MMRN2: variants seen among roughly 807,000 people sequenced by gnomAD.
MMRN2 encodes multimerin-2.
Under a neutral mutation model 68.8 loss-of-function variants are expected in MMRN2, and 53 were observed. That is an observed-to-expected ratio of 0.77 (90% confidence interval 0.62 to 0.97). The LOEUF is 0.97. MMRN2 is among the 50% of genes least tolerant of loss of function. The pLI, the probability that MMRN2 is intolerant of heterozygous loss-of-function variation, is 0.00. For synonymous variants in MMRN2, 564 were observed against 551.6 expected (o/e 1.02, Z -0.32); for missense variants, 1,266 against 1,259.5 (o/e 1.01, Z -0.08).
At chr10:86,956,278 C>A (rs1404026784) in intron 1 of MMRN2, among the ~76,000 whole-genome samples, 4 of 152,136 alleles carry the variant, frequency 2.6e-5, no homozygotes, top group Admixed American at 2.6e-4. Context: ...CCACTGCCAC[C>A]AGACCCTCAC....
In MMRN2 at chr10:86,942,894, C is replaced by A. The variant is rs755601177; in HGVS notation, c.1890G>T (p.Leu630=). 1 of 1,455,122 alleles carries A rather than the reference C, an allele frequency of 6.9e-7. No individual in the cohort carries two copies. The highest frequency in any genetic ancestry group is 9.1e-7 in the Non-Finnish European group (1 of 1,102,106). 90.1% of individuals were successfully genotyped at this position (1,455,122 alleles called of 1,614,324 possible). ...EEMSEQTPGP[L]PLSYEQIRVA... is the part of the protein sequence containing the mutation. The stretch of plus-strand genomic sequence containing the variant: ...CGCGGATCTGCTCGTAGCTCAGGGG[C>A]AGCGGTCCCGGCGTCTGCTCAGACA... The change falls in exon 6 of 7, where the codon CTG becomes CTT. Residue 630 remains leucine (L), a synonymous_variant. Transcript: ENST00000372027.
chr10:86,944,994 TG>T (rs1209817897), intron 4 of MMRN2, among the ~76,000 whole-genome samples, 193 bp downstream of exon 4: 1 of 152,238 alleles, frequency 6.6e-6, no homozygotes, highest in East Asian at 1.9e-4. Context: ...TGTGTGTGCT[TG>T]GCCAGTAGGC....
Position 86,939,675 on chromosome 10 carries a change from A to G in MMRN2, c.2468-2550T>C, listed in dbSNP as rs7912230. Among the ~76,000 whole-genome samples the G allele has an allele frequency of 7.3e-5, 11 of 151,038 alleles. 1 individual carries two copies. Among genetic ancestry groups the G allele is most frequent in the Non-Finnish European group, 5.9e-5 (4 of 67,704 alleles). On this transcript the variant is annotated intron_variant, in intron 6 of 6. Coordinates refer to ENST00000372027, the MANE Select transcript of MMRN2 (RefSeq NM_024756.3). The stretch of plus-strand genomic sequence containing the variant: ...AGTTCCGCCGCAGAGAGAGACCCCC[A>G]CCCCAACCCAGCCTTGCGCCTGACA...
chr10:86,955,233 C>T (rs1844204043), intron 1 of MMRN2, among the ~76,000 whole-genome samples: 1 of 152,106 alleles, frequency 6.6e-6, no homozygotes, highest in Non-Finnish European at 1.5e-5. Context: ...AGACTGAGTT[C>T]CACTGGGACA....
intron 6 of MMRN2, among the ~76,000 whole-genome samples, chr10:86,940,252 C>T (rs1480212522): frequency 6.6e-6 from 1 of 152,166 alleles, no homozygotes; most frequent in African/African-American, 2.4e-5. Context: ...TCAAGTGATC[C>T]ACCCGCCTCG....
Position 86,945,866 on chromosome 10 carries a change from A to G in MMRN2, c.165-177T>C, listed in dbSNP as rs1401621474. The G allele has an allele frequency of 2.8e-6, 4 of 1,435,884 alleles. No homozygotes were observed. In the African/African-American group the frequency reaches 4.3e-5, roughly 15 times the overall value. 88.9% of individuals were successfully genotyped at this position (1,435,884 alleles called of 1,614,324 possible). On this transcript the variant is annotated intron_variant, in intron 1 of 6. Transcript: ENST00000372027. The stretch of plus-strand genomic sequence containing the variant: ...CCCTGGGCTCCAGAGCAAATGTTTC[A>G]CAATCCCTACCTGCAAAGAGGGCAC...
Position 86,936,555 on chromosome 10 carries a change from T to C in MMRN2, c.*188A>G. On this transcript the variant is annotated 3_prime_UTR_variant, in exon 7 of 7. Transcript: ENST00000372027. ...CTGCCCGGAGAAGCATTCCAGTCCT[T>C]CTCATCATGGAGAAATGGCCAAGCC... 5 of 675,846 alleles carry C rather than the reference T, an allele frequency of 7.4e-6. No homozygotes were observed. The highest frequency in any genetic ancestry group is 5.7e-5 in the South Asian group (3 of 53,032). 41.9% of individuals were successfully genotyped at this position (675,846 alleles called of 1,614,324 possible). A position where few individuals can be genotyped will look rare whatever the true frequency, so the allele number is the denominator to read the frequency against.
rs2133671129 is a variant in MMRN2 at position 86,936,058 on chromosome 10, A to T, written c.*685T>A. ...CATGGGGGAACCGCCCCCAAGATCC[A>T]ATTACCTCCACCTGATCTCTCCCTT... On this transcript the variant is annotated 3_prime_UTR_variant, in exon 7 of 7. Transcript: ENST00000372027. 1 of 186,144 alleles carries T rather than the reference A, an allele frequency of 5.4e-6. No homozygotes were observed. The highest frequency in any genetic ancestry group is 2.3e-5 in the African/African-American group (1 of 43,218). 11.5% of individuals were successfully genotyped at this position (186,144 alleles called of 1,614,324 possible).
intron 1 of MMRN2, among the ~76,000 whole-genome samples, chr10:86,946,154 T>C (rs1844066006): frequency 6.6e-6 from 1 of 152,210 alleles, no homozygotes; most frequent in East Asian, 1.9e-4. Context: ...TGGGTTCGAA[T>C]CCCTCACACT....
chr10:86,956,929 G>A (rs1364473342), intron 1 of MMRN2, among the ~76,000 whole-genome samples: 1 of 152,232 alleles, frequency 6.6e-6, no homozygotes, highest in Non-Finnish European at 1.5e-5. Flanking sequence ...TGGAGAGCAG[G>A]GGGCCGTCTC....
At chr10:86,954,823 G>A (rs756647852) in intron 1 of MMRN2, among the ~76,000 whole-genome samples, 12 of 147,290 alleles carry the variant, frequency 8.1e-5, no homozygotes, top group Non-Finnish European at 1.8e-4. Context: ...CTCTGTGCCC[G>A]GCAGGGGTCG....
rs1372761932 is a variant in MMRN2 at position 86,942,878 on chromosome 10, G to A, written c.1906C>T (p.Gln636Ter). 6 of 1,440,170 alleles carry A rather than the reference G, an allele frequency of 4.2e-6. No homozygotes were observed. The highest frequency in any genetic ancestry group is 5.5e-6 in the Non-Finnish European group (6 of 1,095,536). The allele number at this position is 1,440,170 out of a possible 1,614,324, so 89.2% of individuals were successfully genotyped here. ...TPGPLPLSYE[Q>*]IRVALQDAAS... is the part of the protein sequence containing the mutation. ...GCGTCCTGCAGGGCCACGCGGATCT[G>A]CTCGTAGCTCAGGGGCAGCGGTCCC... The change falls in exon 6 of 7, where the codon CAG becomes TAG. Residue 636 changes from glutamine to a stop codon, truncating the protein, a stop_gained. Coordinates refer to ENST00000372027, the MANE Select transcript of MMRN2 (RefSeq NM_024756.3). LOFTEE classifies it high-confidence loss of function.
rs1183918308 is a variant in MMRN2 at position 86,942,630 on chromosome 10, C to G, written c.2154G>C (p.Glu718Asp). 1 of 1,602,156 alleles carries G rather than the reference C, an allele frequency of 6.2e-7. No individual in the cohort carries two copies. The highest frequency in any genetic ancestry group is 1.3e-5 in the African/African-American group (1 of 74,922). Residue 718 changes from glutamate (E) to aspartate (D), a missense_variant, in exon 6 of 7, where the codon GAG becomes GAC. Transcript: ENST00000372027. ...TGAGGGAGGCGGCCCCGGCCCCGGC[C>G]TCGGCCTCGCAGCACCGCCCGACAT... is the stretch of plus-strand genomic sequence containing the variant. ...VKNVGRCCEA[E>D]AGAGAASLNA...
In MMRN2 at chr10:86,944,111, AG is replaced by A; in HGVS notation, c.672del (p.Leu225TrpfsTer35). 1 of 1,613,756 alleles carries A rather than the reference AG, an allele frequency of 6.2e-7. No homozygotes were observed. ...ACGTGGGGTAGCAGCACCTGCTCCA[AG>A]GATCTATCAGGGAACTCTGCAACAG... ...NQTGHEFPDR[S>X]LEQVLLPHVD... On this transcript the variant is annotated frameshift_variant, in exon 6 of 7. Transcript: ENST00000372027. LOFTEE classifies it high-confidence loss of function.
rs545154424 is a variant in MMRN2 at position 86,947,238 on chromosome 10, T to C, written c.165-1549A>G. On this transcript the variant is annotated intron_variant, in intron 1 of 6. Coordinates refer to ENST00000372027, the MANE Select transcript of MMRN2 (RefSeq NM_024756.3). Reference sequence around the variant, plus strand: ...ATTTGTGGGCTCTTAGAAAGCAGCATTCAGAGGCCTTGGTGATGAAGTGGC... The same window carrying C: ...ATTTGTGGGCTCTTAGAAAGCAGCACTCAGAGGCCTTGGTGATGAAGTGGC... Among the ~76,000 whole-genome samples, 5 of 152,250 alleles carry C rather than the reference T, an allele frequency of 3.3e-5. No individual in the cohort carries two copies. The South Asian group carries it at 1.0e-3, about 32-fold the overall frequency.
At chr10:86,939,847 GTGTGTGTGTGTGTGTGTGTT>G in intron 6 of MMRN2, among the ~76,000 whole-genome samples, 1 of 134,484 alleles carries the variant, frequency 7.4e-6, no homozygotes, top group African/African-American at 2.9e-5. Context: ...GTTTGTGTGT[GTGTGTGTGTGTGTGTGTGTT>G]TGAGACAGAG....
chr10:86,943,981 G>A lies in MMRN2; in HGVS notation c.803C>T (p.Ala268Val). The A allele has an allele frequency of 6.2e-7, 1 of 1,614,144 alleles. No homozygotes were observed. Reference sequence around the variant, plus strand: ...GACTCTGGAGATGGCCTGGCGGTTGGCCTCCACGTCAAGAGACAGGTTTCT... The same window carrying A: ...GACTCTGGAGATGGCCTGGCGGTTGACCTCCACGTCAAGAGACAGGTTTCT... ...AIRNLSLDVE[A>V]NRQAISRVQD... The change falls in exon 6 of 7, where the codon GCC becomes GTC. Residue 268 changes from alanine (A) to valine (V), a missense_variant. Physicochemically the swap from Ala to Val is moderately conservative, Grantham distance 64 (BLOSUM62 0). Coordinates refer to ENST00000372027, the MANE Select transcript of MMRN2 (RefSeq NM_024756.3). The surrounding 1 kb of genome is among the most constrained non-coding windows in gnomAD (Gnocchi z 4.2).
At position 86,943,963 on chromosome 10, in the gene MMRN2, G is replaced by C. The variant is rs146372752; in HGVS notation, c.821C>G (p.Ser274Cys). 9.7e-5 allele frequency: 156 copies of C among 1,614,186 alleles called. 1 individual carries two copies. The Middle Eastern group carries it at 1.3e-3, about 14-fold the overall frequency. ...GGCCACGGCACTGTCCTGGACTCTG[G>C]AGATGGCCTGGCGGTTGGCCTCCAC... ...LDVEANRQAI[S>C]RVQDSAVARA... Residue 274 changes from serine (S) to cysteine (C), a missense_variant, in exon 6 of 7, where the codon TCC becomes TGC. Coordinates refer to ENST00000372027, the MANE Select transcript of MMRN2 (RefSeq NM_024756.3). This position sits in a 1 kb window ranked among gnomAD's most constrained non-coding sequence, Gnocchi z 4.2.
chr10:86,944,183 G>C (rs1589302779), intron 5 of MMRN2, 55 bp from the exon 6 acceptor site: 1 of 1,595,496 alleles, frequency 6.3e-7, no homozygotes, highest in South Asian at 1.1e-5. Flanking sequence ...ACTCCTCCCA[G>C]GCTGGGACCA....
Sources: allele counts gnomAD v4.1 joint callset (sites outside exome capture counted in the v4.1 genomes callset), GRCh38; gene constraint gnomAD v4.1.1; non-coding constraint Gnocchi (gnomAD v3.1); transcripts MANE v1.5; gene names NCBI Gene and HGNC (gene_info 2026-07-23, HGNC 2026-07-21).